UBE2R2: variants seen among roughly 807,000 people sequenced by gnomAD.
UBE2R2 encodes ubiquitin conjugating enzyme E2 R2.
Under a neutral mutation model 27.8 loss-of-function variants are expected in UBE2R2, and 1 was observed. The observed-to-expected ratio is 0.04, with a 90% CI of 0.01 to 0.17. The LOEUF is 0.17. UBE2R2 is among the 10% of genes least tolerant of loss of function. The probability of loss-of-function intolerance (pLI) is 1.00; values close to 1 mark genes in which losing one functional copy is unlikely to be tolerated. For synonymous variants in UBE2R2, 106 were observed against 113.3 expected (o/e 0.94, Z 0.41); for missense variants, 100 against 291.0 (o/e 0.34, Z 4.78).
At chr9:33,904,154 T>C (rs1011369026) in intron 3 of UBE2R2, among the ~76,000 whole-genome samples, 7 of 152,248 alleles carry the variant, frequency 4.6e-5, no homozygotes, top group Non-Finnish European at 1.0e-4. Flanking sequence ...TGTTTCTGTG[T>C]TCACTTGGTT....
chr9:33,917,488 T>C lies in UBE2R2; in HGVS notation c.*251T>C, dbSNP rs763991401. On this transcript the variant is annotated 3_prime_UTR_variant, in exon 5 of 5. Coordinates refer to ENST00000263228, the MANE Select transcript of UBE2R2 (RefSeq NM_017811.4). ...ACCCTTCCATCACTATATTGATTCT[T>C]TTTTTAAAAAATATGAACCCAAACT... The C allele has an allele frequency of 2.3e-5, 13 of 572,128 alleles. No homozygotes were observed. The highest frequency in any genetic ancestry group is 3.6e-5 in the Non-Finnish European group (12 of 336,954). The allele number at this position is 572,128 out of a possible 1,614,324, so 35.4% of individuals were successfully genotyped here. A position where few individuals can be genotyped will look rare whatever the true frequency, so the allele number is the denominator to read the frequency against.
At chr9:33,911,202 A>G (rs1822477980) in intron 3 of UBE2R2, among the ~76,000 whole-genome samples, 1 of 151,874 alleles carries the variant, frequency 6.6e-6, no homozygotes, top group African/African-American at 2.4e-5. Flanking sequence ...TGAGGTCAGG[A>G]GTTCAAGACC....
chr9:33,846,516 C>CT (rs1563986834), intron 1 of UBE2R2, among the ~76,000 whole-genome samples: 1 of 152,088 alleles, frequency 6.6e-6, no homozygotes, highest in South Asian at 2.1e-4. Context: ...CTCTCTCTCT[C>CT]TTTTTTGGTT....
chr9:33,888,620 G>A (rs954579376), intron 2 of UBE2R2, among the ~76,000 whole-genome samples: 2 of 152,154 alleles, frequency 1.3e-5, no homozygotes, highest in African/African-American at 2.4e-5. Flanking sequence ...GGGTTCAAGC[G>A]ATTCTCCTGT....
intron 2 of UBE2R2, among the ~76,000 whole-genome samples, chr9:33,899,961 C>G (rs1407936526): frequency 6.6e-6 from 1 of 152,134 alleles, no homozygotes; most frequent in African/African-American, 2.4e-5. Flanking sequence ...AGTAAGTCTT[C>G]TCACTAGAAA....
In UBE2R2 at chr9:33,883,262, T is replaced by A. The variant is rs543654138; in HGVS notation, c.178-3619T>A. On this transcript the variant is annotated intron_variant, in intron 1 of 4. Transcript: ENST00000263228. ...TCTTATCTTAGTCCTCCAATTCAATTCATTGTTGACACTGTCTACCTGGAG... is the reference window on the plus strand; with the variant it reads ...TCTTATCTTAGTCCTCCAATTCAATACATTGTTGACACTGTCTACCTGGAG... Among the ~76,000 whole-genome samples the A allele has an allele frequency of 2.6e-5, 4 of 152,284 alleles. No homozygotes were observed. In the East Asian group the frequency reaches 5.8e-4, roughly 22 times the overall value.
chr9:33,889,364 C>T (rs1393370371), intron 2 of UBE2R2, among the ~76,000 whole-genome samples: 1 of 152,110 alleles, frequency 6.6e-6, no homozygotes, highest in Non-Finnish European at 1.5e-5. Flanking sequence ...TCTCTCTTGC[C>T]TCTTTCTTTT....
chr9:33,911,167 G>C (rs1822474881), intron 3 of UBE2R2, among the ~76,000 whole-genome samples: 1 of 151,814 alleles, frequency 6.6e-6, no homozygotes, highest in South Asian at 2.1e-4. Context: ...GTAGCACTTT[G>C]GGAGGTTGAG....
At chr9:33,907,047 CAT>C (rs956854195) in intron 3 of UBE2R2, among the ~76,000 whole-genome samples, 1 of 152,206 alleles carries the variant, frequency 6.6e-6, no homozygotes, top group African/African-American at 2.4e-5. Flanking sequence ...CTTTTAAACA[CAT>C]ATGAGCTCTG....
chr9:33,825,959 A>G (rs1480217575), intron 1 of UBE2R2, among the ~76,000 whole-genome samples: 1 of 152,064 alleles, frequency 6.6e-6, no homozygotes, highest in African/African-American at 2.4e-5. Context: ...CATAGCCAAT[A>G]TGGTGAAACC....
intron 2 of UBE2R2, among the ~76,000 whole-genome samples, chr9:33,896,956 T>G (rs2130805941): frequency 2.0e-5 from 3 of 151,570 alleles, no homozygotes; most frequent in Admixed American, 2.0e-4. Flanking sequence ...TTTTTGTGTT[T>G]TTTTTTTGTT....
chr9:33,839,384 C>T (rs1326321469), intron 1 of UBE2R2, among the ~76,000 whole-genome samples: 3 of 152,072 alleles, frequency 2.0e-5, no homozygotes, highest in Admixed American at 1.3e-4. Flanking sequence ...ATAACAGGCT[C>T]CTGCCACCAC....
chr9:33,907,529 A>C (rs1013042185), intron 3 of UBE2R2, among the ~76,000 whole-genome samples: 1 of 152,044 alleles, frequency 6.6e-6, no homozygotes, highest in African/African-American at 2.4e-5. Flanking sequence ...GTTGTAATAA[A>C]TGTTAAACAT....
At chr9:33,852,544 T>C (rs1351297184) in intron 1 of UBE2R2, among the ~76,000 whole-genome samples, 5 of 152,128 alleles carry the variant, frequency 3.3e-5, no homozygotes, top group Admixed American at 6.6e-5. Flanking sequence ...TCCTGGGAGA[T>C]TGGGCGAGGA....
intron 3 of UBE2R2, among the ~76,000 whole-genome samples, chr9:33,911,414 A>C (rs971058168): frequency 1.1e-4 from 15 of 139,322 alleles, no homozygotes; most frequent in African/African-American, 4.0e-4. Flanking sequence ...AAAAAAAAAA[A>C]AAAAAAAAAA....
chr9:33,873,174 TAAAAAAAA>T (rs540364601), intron 1 of UBE2R2, among the ~76,000 whole-genome samples: 3 of 109,182 alleles, frequency 2.7e-5, no homozygotes, highest in South Asian at 3.2e-4. Flanking sequence ...GACTCCGTCT[TAAAAAAAA>T]AAAAAAAAAA....
At position 33,912,084 on chromosome 9, in the gene UBE2R2, T is replaced by C; in HGVS notation, c.483T>C (p.Tyr161=). ...WRDSKGKDKE[Y]AEIIRKQVSA... is the part of the protein sequence containing the mutation. ...ACAGTAAAGGAAAAGACAAAGAATA[T>C]GCTGAAATTATTAGGTAAGGTTTTT... Residue 161 remains tyrosine, a synonymous_variant, in exon 4 of 5, where the codon TAT becomes TAC. Coordinates refer to ENST00000263228, the MANE Select transcript of UBE2R2 (RefSeq NM_017811.4). The C allele has an allele frequency of 6.2e-7, 1 of 1,606,852 alleles. No individual in the cohort carries two copies. Among genetic ancestry groups the C allele is most frequent in the African/African-American group, 1.3e-5 (1 of 74,758 alleles).
chr9:33,877,418 G>T (rs559555926), intron 1 of UBE2R2, among the ~76,000 whole-genome samples: 13 of 151,980 alleles, frequency 8.6e-5, no homozygotes, highest in African/African-American at 3.1e-4. Flanking sequence ...TCCTGACCTC[G>T]TGATCCGCCC....
chr9:33,892,058 A>G (rs1821998057), intron 2 of UBE2R2, among the ~76,000 whole-genome samples: 3 of 152,200 alleles, frequency 2.0e-5, no homozygotes, highest in African/African-American at 4.8e-5. Flanking sequence ...ATTAGTATCA[A>G]TGGAGAACTA....
Sources: allele counts gnomAD v4.1 joint callset (sites outside exome capture counted in the v4.1 genomes callset), GRCh38; gene constraint gnomAD v4.1.1; transcripts MANE v1.5; gene names NCBI Gene and HGNC (gene_info 2026-07-23, HGNC 2026-07-21).